The following ATP10A variants were observed in gnomAD, a reference collection of about 807,000 sequenced individuals.
ATP10A encodes ATPase phospholipid transporting 10A (putative).
A neutral mutation model predicts 147.8 loss-of-function variants in ATP10A; 111 were observed. The observed-to-expected ratio is 0.75, with a 90% CI of 0.64 to 0.88. The LOEUF is 0.88. Ranked by LOEUF, ATP10A falls within the 40% of genes least tolerant of loss-of-function variation. The pLI, the probability that ATP10A is intolerant of heterozygous loss-of-function variation, is 0.00. For missense variants in ATP10A, 1,927 were observed against 1,959.0 expected (o/e 0.98, Z 0.31); for synonymous variants, 875 against 841.6 (o/e 1.04, Z -0.69).
intron 10 of ATP10A, chr15:25,710,701 C>T (rs1901355578): frequency 6.6e-6 from 1 of 152,118 alleles, no homozygotes; most frequent in Non-Finnish European, 1.5e-5. Flanking sequence ...ATGTACTCAT[C>T]ATGCAAAAAA....
chr15:25,685,884 C>T (rs907432860), intron 16 of ATP10A, among the ~76,000 whole-genome samples: 3 of 151,232 alleles, frequency 2.0e-5, no homozygotes, highest in Admixed American at 6.6e-5. Context: ...CCACAGCTAA[C>T]AAGTGATAGA....
At chr15:25,735,797 G>A (rs1303061024) in intron 3 of ATP10A, among the ~76,000 whole-genome samples, 2 of 152,146 alleles carry the variant, frequency 1.3e-5, no homozygotes, top group African/African-American at 2.4e-5. Flanking sequence ...GGGCCTGCTA[G>A]CGGGAGGAAA....
chr15:25,801,958 A>G (rs1266956419), intron 1 of ATP10A, among the ~76,000 whole-genome samples: 1 of 152,080 alleles, frequency 6.6e-6, no homozygotes, highest in Non-Finnish European at 1.5e-5. Flanking sequence ...AGAGCCGAGG[A>G]TCTCATCAAC....
chr15:25,797,354 G>C (rs1009479538), intron 1 of ATP10A, among the ~76,000 whole-genome samples: 13 of 152,162 alleles, frequency 8.5e-5, no homozygotes, highest in Non-Finnish European at 1.9e-4. Context: ...TGTGAATAAG[G>C]ACTCCTCAGT....
chr15:25,781,636 T>C (rs1466059139), intron 1 of ATP10A, among the ~76,000 whole-genome samples: 2 of 150,552 alleles, frequency 1.3e-5, no homozygotes, highest in Admixed American at 6.7e-5. Context: ...GCCTGGGCTA[T>C]AGAGTGATAT....
At chr15:25,755,722 C>T (rs1045489355) in intron 2 of ATP10A, among the ~76,000 whole-genome samples, 4 of 152,154 alleles carry the variant, frequency 2.6e-5, no homozygotes, top group African/African-American at 9.7e-5. Context: ...AGACTTCTAC[C>T]TAATATGCTT....
intron 2 of ATP10A, among the ~76,000 whole-genome samples, chr15:25,774,613 T>C (rs997559929): frequency 2.7e-5 from 4 of 150,676 alleles, no homozygotes; most frequent in African/African-American, 9.8e-5. Flanking sequence ...AGAGTGCTGG[T>C]GCTGCACTCT....
At chr15:25,768,993 G>GT (rs770518210) in intron 2 of ATP10A, among the ~76,000 whole-genome samples, 38 of 152,060 alleles carry the variant, frequency 2.5e-4, no homozygotes, top group Non-Finnish European at 4.1e-4. Context: ...GGGTTGAAAG[G>GT]TTTTCCCTCA....
intron 2 of ATP10A, among the ~76,000 whole-genome samples, chr15:25,759,612 C>G (rs2140622744): frequency 6.6e-6 from 1 of 152,106 alleles, no homozygotes; most frequent in Middle Eastern, 3.4e-3. Context: ...TCGAGATCAG[C>G]CTGGGCAATA....
At chr15:25,707,949 T>C (rs1022375559) in intron 12 of ATP10A, 27 bp downstream of exon 12, 3 of 1,612,410 alleles carry the variant, frequency 1.9e-6, no homozygotes, top group Non-Finnish European at 2.5e-6. Flanking sequence ...ACACTGCCCT[T>C]AGGCATGCGA....
At chr15:25,768,267 C>T (rs1282113056) in intron 2 of ATP10A, among the ~76,000 whole-genome samples, 2 of 152,224 alleles carry the variant, frequency 1.3e-5, no homozygotes, top group African/African-American at 4.8e-5. Context: ...GGCTCCTGGG[C>T]CACTGCTCCT....
At chr15:25,723,435 T>C (rs903882707) in intron 6 of ATP10A, among the ~76,000 whole-genome samples, 1 of 151,928 alleles carries the variant, frequency 6.6e-6, no homozygotes, top group African/African-American at 2.4e-5. Context: ...CAATGTAATA[T>C]GTTCACATTA....
At chr15:25,731,426 T>C (rs1331140736) in intron 3 of ATP10A, among the ~76,000 whole-genome samples, 2 of 152,208 alleles carry the variant, frequency 1.3e-5, no homozygotes, top group African/African-American at 2.4e-5. Flanking sequence ...TGCTTTACAA[T>C]GTGAAATGGA....
At position 25,679,440 on chromosome 15, in the gene ATP10A, C is replaced by A. The variant is rs370512038; in HGVS notation, c.4401G>T (p.Ala1467=). 2 of 1,613,884 alleles carry A rather than the reference C, an allele frequency of 1.2e-6. No individual in the cohort carries two copies. Among genetic ancestry groups the A allele is most frequent in the Non-Finnish European group, 1.7e-6 (2 of 1,179,960 alleles). Residue 1467 remains alanine (A), a synonymous_variant, in exon 21 of 21, where the codon GCG becomes GCT. Coordinates refer to ENST00000555815, the MANE Select transcript of ATP10A (RefSeq NM_024490.4). ...GGGGCTGGACAGGAAGTCCACGTCC[C>A]GCTTGTCCATCTGCAAGCTGCTCCG... ...SRTEQLADGQ[A]GRGLPVQPHS... is the part of the protein sequence containing the mutation.
At chr15:25,779,564 C>T (rs1318740241) in intron 2 of ATP10A, among the ~76,000 whole-genome samples, 18 of 90,562 alleles carry the variant, frequency 2.0e-4, no homozygotes, top group African/African-American at 9.1e-5. Context: ...TGAAGAGAGC[C>T]GGGGGTGGGG....
At chr15:25,822,670 G>A (rs1248325238) in intron 1 of ATP10A, among the ~76,000 whole-genome samples, 1 of 152,102 alleles carries the variant, frequency 6.6e-6, no homozygotes, top group Non-Finnish European at 1.5e-5. Flanking sequence ...CATACCCTCT[G>A]TACCCCTCTC....
At chr15:25,784,350 C>T (rs963656690) in intron 1 of ATP10A, among the ~76,000 whole-genome samples, 1 of 152,198 alleles carries the variant, frequency 6.6e-6, no homozygotes, top group Non-Finnish European at 1.5e-5. Flanking sequence ...TGTCTCTGTT[C>T]AGTTTATGTT....
At chr15:25,797,274 G>T (rs929496640) in intron 1 of ATP10A, among the ~76,000 whole-genome samples, 2 of 152,210 alleles carry the variant, frequency 1.3e-5, no homozygotes, top group Non-Finnish European at 2.9e-5. Flanking sequence ...AGGTTCATCT[G>T]TGCTGTTGCA....
chr15:25,744,725 A>G (rs1887752901), intron 2 of ATP10A, among the ~76,000 whole-genome samples: 1 of 152,220 alleles, frequency 6.6e-6, no homozygotes, highest in Non-Finnish European at 1.5e-5. Context: ...AGCAAACTAC[A>G]AGAAACATGA....
Sources: gnomAD v4.1 joint callset for allele counts (sites outside exome capture counted in the v4.1 genomes callset) on GRCh38, gnomAD v4.1.1 for gene constraint, MANE v1.5 for transcripts, NCBI Gene and HGNC (gene_info 2026-07-23, HGNC 2026-07-21) for gene names.